The following TMOD3 variants were observed in gnomAD, a reference collection of about 807,000 sequenced individuals.
TMOD3 encodes tropomodulin 3, also known as tropomodulin-3.
TMOD3 carries 20 observed loss-of-function variants against 39.2 expected under a neutral mutation model. The observed-to-expected ratio is 0.51, with a 90% CI of 0.36 to 0.74. The LOEUF (loss-of-function observed/expected upper bound fraction) is 0.74. Ranked by LOEUF, TMOD3 falls within the 30% of genes least tolerant of loss-of-function variation. The pLI, the probability that TMOD3 is intolerant of heterozygous loss-of-function variation, is 0.00. For synonymous variants in TMOD3, 143 were observed against 145.8 expected (o/e 0.98, Z 0.14); for missense variants, 381 against 412.8 (o/e 0.92, Z 0.67).
chr15:51,849,027 A>G (rs1008780107), intron 1 of TMOD3, among the ~76,000 whole-genome samples: 1 of 152,206 alleles, frequency 6.6e-6, no homozygotes, highest in Non-Finnish European at 1.5e-5. Flanking sequence ...GTTCCCGATC[A>G]GCTTCTTTCG....
At chr15:51,855,328 A>G (rs562892951) in intron 1 of TMOD3, among the ~76,000 whole-genome samples, 2 of 152,350 alleles carry the variant, frequency 1.3e-5, no homozygotes, top group Admixed American at 6.5e-5. Context: ...GACCTACTCA[A>G]TCAAGAAACA....
chr15:51,842,715 A>C (rs2056318153), intron 1 of TMOD3, among the ~76,000 whole-genome samples: 1 of 152,166 alleles, frequency 6.6e-6, no homozygotes, highest in Non-Finnish European at 1.5e-5. Context: ...ACCTCATGAG[A>C]ATTATACCCT....
intron 1 of TMOD3, among the ~76,000 whole-genome samples, chr15:51,849,704 G>A (rs1420560356): frequency 6.6e-6 from 1 of 152,198 alleles, no homozygotes; most frequent in Non-Finnish European, 1.5e-5. Flanking sequence ...GCCAAGGCAG[G>A]TGGATCACCT....
intron 3 of TMOD3, among the ~76,000 whole-genome samples, chr15:51,877,215 G>T (rs1398183093): frequency 6.6e-6 from 1 of 151,768 alleles, no homozygotes; most frequent in Admixed American, 6.6e-5. Flanking sequence ...TCTTCTTCTG[G>T]ATCAAATTTT....
intron 1 of TMOD3, among the ~76,000 whole-genome samples, chr15:51,837,003 G>C (rs1275027275): frequency 3.3e-5 from 5 of 152,142 alleles, no homozygotes; most frequent in Non-Finnish European, 7.4e-5. Context: ...AGTGAACACA[G>C]TTCCTGAAGT....
At chr15:51,856,946 G>A (rs1000290989) in intron 1 of TMOD3, among the ~76,000 whole-genome samples, 1 of 152,164 alleles carries the variant, frequency 6.6e-6, no homozygotes, top group Non-Finnish European at 1.5e-5. Flanking sequence ...ACTCTCTCAC[G>A]CATGTGTACC....
intron 6 of TMOD3, among the ~76,000 whole-genome samples, chr15:51,895,870 A>T (rs1489160175): frequency 6.6e-6 from 1 of 152,140 alleles, no homozygotes; most frequent in Non-Finnish European, 1.5e-5. Flanking sequence ...GCACTTTGGG[A>T]GGCCGAGGAG....
At chr15:51,842,373 C>G (rs944784279) in intron 1 of TMOD3, among the ~76,000 whole-genome samples, 1 of 152,182 alleles carries the variant, frequency 6.6e-6, no homozygotes, top group African/African-American at 2.4e-5. Flanking sequence ...GTCAACTTTA[C>G]GTATACAGCT....
intron 1 of TMOD3, among the ~76,000 whole-genome samples, chr15:51,840,378 T>C (rs1240554856): frequency 6.6e-6 from 1 of 152,228 alleles, no homozygotes; most frequent in Non-Finnish European, 1.5e-5. Context: ...GAAGATAATA[T>C]TTAATGAAGA....
intron 1 of TMOD3, among the ~76,000 whole-genome samples, chr15:51,851,052 G>T (rs2056359240): frequency 6.6e-6 from 1 of 152,168 alleles, no homozygotes; most frequent in Non-Finnish European, 1.5e-5. Flanking sequence ...ACCAGATGTG[G>T]GGTTTTGCCA....
At chr15:51,870,603 T>C (rs1321194796) in intron 3 of TMOD3, among the ~76,000 whole-genome samples, 2 of 152,194 alleles carry the variant, frequency 1.3e-5, no homozygotes, top group Admixed American at 6.5e-5. Flanking sequence ...CCAGCTTCTA[T>C]AGTAGAGGAA....
chr15:51,888,964 T>C, intron 4 of TMOD3, 92 bp from the exon 5 acceptor site: 1 of 759,338 alleles, frequency 1.3e-6, no homozygotes, highest in Non-Finnish European at 2.2e-6. Context: ...TAGGAAAAGG[T>C]CCAGAGGATA....
chr15:51,881,550 CTT>C (rs753814979), intron 3 of TMOD3, among the ~76,000 whole-genome samples: 2,344 of 61,312 alleles, frequency 0.038, 7 homozygotes, highest in African/African-American at 0.075. Context: ...TTCTTTATTT[CTT>C]TTTTTTTTTT....
intron 3 of TMOD3, among the ~76,000 whole-genome samples, chr15:51,881,782 T>C (rs2056536227): frequency 6.6e-6 from 1 of 151,984 alleles, no homozygotes; most frequent in South Asian, 2.1e-4. Flanking sequence ...CAGGCTGGCC[T>C]TGAACTCCTG....
At chr15:51,864,330 A>G (rs777802979) in intron 2 of TMOD3, among the ~76,000 whole-genome samples, 4 of 151,472 alleles carry the variant, frequency 2.6e-5, no homozygotes, top group Non-Finnish European at 5.9e-5. Context: ...CAGGTTCCTC[A>G]ATCTTGACAG....
chr15:51,834,263 A>G (rs2056270266), intron 1 of TMOD3, among the ~76,000 whole-genome samples: 1 of 152,050 alleles, frequency 6.6e-6, no homozygotes, highest in South Asian at 2.1e-4. Context: ...TGATATTGTG[A>G]TGAGCAGAAA....
chr15:51,838,666 C>CT (rs1181411026), intron 1 of TMOD3, among the ~76,000 whole-genome samples: 1 of 152,032 alleles, frequency 6.6e-6, no homozygotes, highest in African/African-American at 2.4e-5. Flanking sequence ...GATTGCTGAG[C>CT]TTTTTTGCAC....
intron 1 of TMOD3, chr15:51,860,809 G>A (rs1420577454): frequency 2.2e-5 from 8 of 363,352 alleles, no homozygotes; most frequent in Admixed American, 1.5e-4. Flanking sequence ...GGTGGCAGGC[G>A]CCTGTGGTCC....
At chr15:51,860,135 G>A (rs370671469) in intron 1 of TMOD3, 36 of 474,404 alleles carry the variant, frequency 7.6e-5, no homozygotes, top group African/African-American at 6.2e-4. Flanking sequence ...TTTGTGACTC[G>A]ATCTCTAATT....
Sources: gnomAD v4.1 joint callset for allele counts (sites outside exome capture counted in the v4.1 genomes callset) on GRCh38, gnomAD v4.1.1 for gene constraint, MANE v1.5 for transcripts, NCBI Gene and HGNC (gene_info 2026-07-23, HGNC 2026-07-21) for gene names.